The following LPP variants were observed in gnomAD, a reference collection of about 807,000 sequenced individuals.
LPP encodes lipoma-preferred partner.
LPP carries 38 observed loss-of-function variants against 60.4 expected under a neutral mutation model. The ratio of observed to expected loss-of-function variants is 0.63; its 90% confidence interval spans 0.49 to 0.83. The LOEUF (loss-of-function observed/expected upper bound fraction) is 0.83. Ranked by LOEUF, LPP falls within the 40% of genes least tolerant of loss-of-function variation. The pLI is 0.00. For synonymous variants in LPP, 328 were observed against 290.8 expected (o/e 1.13, Z -1.30); for missense variants, 902 against 783.6 (o/e 1.15, Z -1.80).
At chr3:188,639,090 G>A (rs1297838832) in intron 7 of LPP, among the ~76,000 whole-genome samples, 2 of 151,842 alleles carry the variant, frequency 1.3e-5, no homozygotes, top group African/African-American at 4.8e-5. Context: ...AAAGCTGGAG[G>A]CATCACGCTA....
intron 9 of LPP, among the ~76,000 whole-genome samples, chr3:188,800,024 C>A (rs2151135019): frequency 6.6e-6 from 1 of 152,128 alleles, no homozygotes; most frequent in South Asian, 2.1e-4. Context: ...CACCTTGCTT[C>A]TTTGTTTTCC....
At chr3:188,567,059 T>A (rs1203912580) in intron 6 of LPP, among the ~76,000 whole-genome samples, 1 of 151,934 alleles carries the variant, frequency 6.6e-6, no homozygotes, top group Non-Finnish European at 1.5e-5. Flanking sequence ...TCATAATACT[T>A]TGCCATGAGA....
At chr3:188,197,349 C>A (rs1729822520) in intron 1 of LPP, among the ~76,000 whole-genome samples, 1 of 152,164 alleles carries the variant, frequency 6.6e-6, no homozygotes, top group African/African-American at 2.4e-5. Flanking sequence ...GGATGGTAAT[C>A]TCAGGAGTCC....
At chr3:188,745,666 CT>C (rs1725912794) in intron 8 of LPP, among the ~76,000 whole-genome samples, 1 of 152,064 alleles carries the variant, frequency 6.6e-6, no homozygotes, top group African/African-American at 2.4e-5. Context: ...TTTTTACAAA[CT>C]TTTTTAAGTT....
chr3:188,441,609 C>CTTTTCTTTTTTTTTTTTT (rs1793896698), intron 4 of LPP, among the ~76,000 whole-genome samples: 3 of 55,646 alleles, frequency 5.4e-5, no homozygotes, highest in African/African-American at 7.5e-5. Flanking sequence ...CTTTTCTTTT[C>CTTTTCTTTTTTTTTTTTT]TTTTTTTTTT....
intron 2 of LPP, among the ~76,000 whole-genome samples, chr3:188,340,031 G>A (rs1408921711): frequency 1.3e-5 from 2 of 152,112 alleles, no homozygotes; most frequent in Admixed American, 6.5e-5. Context: ...TTAGTGCTTC[G>A]ACAATTGAAT....
At chr3:188,360,182 G>A (rs1035333111) in intron 3 of LPP, among the ~76,000 whole-genome samples, 2 of 152,070 alleles carry the variant, frequency 1.3e-5, no homozygotes, top group Non-Finnish European at 2.9e-5. Context: ...TTGAAGGAAC[G>A]CTTTTCAAAC....
In LPP at chr3:188,879,127, A is replaced by G. The variant is rs143345690; in HGVS notation, c.*4648A>G. 417 of 229,558 alleles carry G rather than the reference A, an allele frequency of 1.8e-3. 1 individual carries two copies. Among genetic ancestry groups the G allele is most frequent in the African/African-American group, 8.9e-3 (402 of 45,320 alleles). 14.2% of individuals were successfully genotyped at this position (229,558 alleles called of 1,614,324 possible). On this transcript the variant is annotated 3_prime_UTR_variant, in exon 12 of 12. Coordinates refer to ENST00000617246, the MANE Select transcript of LPP (RefSeq NM_001375462.1). ...TTTCAGGCCAAGTTATTCACTTGAC[A>G]GATAACTAGAATGAAACTTTTCTCA...
chr3:188,356,331 T>C (rs181668799), intron 3 of LPP, among the ~76,000 whole-genome samples: 1 of 152,298 alleles, frequency 6.6e-6, no homozygotes, highest in African/African-American at 2.4e-5. Flanking sequence ...TCACACTTAA[T>C]CTCTGTGCCT....
At chr3:188,546,063 A>G (rs1205466098) in intron 6 of LPP, among the ~76,000 whole-genome samples, 1 of 152,128 alleles carries the variant, frequency 6.6e-6, no homozygotes, top group African/African-American at 2.4e-5. Context: ...TCTGCCAGAC[A>G]TGTATATTCT....
At chr3:188,524,563 A>G in intron 5 of LPP, 102 bp from the exon 6 acceptor site, 1 of 1,236,430 alleles carries the variant, frequency 8.1e-7, no homozygotes, top group East Asian at 2.5e-5. Flanking sequence ...AAAGAGGTGC[A>G]GAAAAACTTG....
intron 3 of LPP, among the ~76,000 whole-genome samples, chr3:188,350,369 T>C (rs1228178758): frequency 6.6e-6 from 1 of 152,196 alleles, no homozygotes; most frequent in African/African-American, 2.4e-5. Flanking sequence ...GATTATTAAT[T>C]GGACTTTGAT....
At chr3:188,857,577 A>G (rs371827030) in intron 9 of LPP, among the ~76,000 whole-genome samples, 10 of 152,348 alleles carry the variant, frequency 6.6e-5, no homozygotes, top group South Asian at 4.1e-4. Flanking sequence ...TTTTTGGTGT[A>G]TAAAGGAATA....
In LPP at chr3:188,609,447, C is replaced by T. The variant is rs1231832557; in HGVS notation, c.716C>T (p.Ser239Leu). 1 of 1,614,200 alleles carries T rather than the reference C, an allele frequency of 6.2e-7. No homozygotes were observed. The highest frequency in any genetic ancestry group is 8.5e-7 in the Non-Finnish European group (1 of 1,180,036). Residue 239 changes from serine (S) to leucine (L), a missense_variant, in exon 7 of 12, where the codon TCA becomes TTA. Physicochemically the swap from Ser to Leu is moderately radical, Grantham distance 145. Coordinates refer to ENST00000617246, the MANE Select transcript of LPP (RefSeq NM_001375462.1). This position sits in a 1 kb window ranked among gnomAD's most constrained non-coding sequence, Gnocchi z 6.9. ...QPSPHYMAAPSSGQIYGSGPQ... is the reference protein window; with the variant it reads ...QPSPHYMAAPLSGQIYGSGPQ... ...AGCCCTCATTATATGGCTGCCCCTT[C>T]ATCAGGACAAATTTATGGCTCAGGG...
chr3:188,657,675 G>A (rs1515423), intron 7 of LPP, among the ~76,000 whole-genome samples: 149,614 of 152,116 alleles, frequency 0.98, 73,623 homozygotes, highest in East Asian at 1. Context: ...TCCATAGTTT[G>A]TCCAACCTAA....
chr3:188,412,151 C>A (rs1785055282), intron 4 of LPP, among the ~76,000 whole-genome samples: 1 of 152,112 alleles, frequency 6.6e-6, no homozygotes, highest in Non-Finnish European at 1.5e-5. Flanking sequence ...TTTTAAAAAA[C>A]ATTTTTATGT....
chr3:188,733,829 C>A (rs993414116), intron 8 of LPP, among the ~76,000 whole-genome samples: 7 of 152,084 alleles, frequency 4.6e-5, no homozygotes. Flanking sequence ...TTATATTTTG[C>A]TAGAAAATTA....
intron 3 of LPP, 53 bp downstream of exon 3, chr3:188,341,772 C>A: frequency 1.6e-6 from 1 of 640,118 alleles, no homozygotes; most frequent in Non-Finnish European, 1.9e-6. Context: ...GGCATCTGAG[C>A]CAGTAATGTT....
At chr3:188,500,241 G>A (rs1251099978) in intron 5 of LPP, among the ~76,000 whole-genome samples, 1 of 151,734 alleles carries the variant, frequency 6.6e-6, no homozygotes, top group African/African-American at 2.4e-5. Context: ...TTCCATCTGT[G>A]GCTTTTGCTA....
Sources: allele counts gnomAD v4.1 joint callset (sites outside exome capture counted in the v4.1 genomes callset), GRCh38; gene constraint gnomAD v4.1.1; non-coding constraint Gnocchi (gnomAD v3.1); transcripts MANE v1.5; gene names NCBI Gene and HGNC (gene_info 2026-07-23, HGNC 2026-07-21).